HDAC6: variants seen among roughly 807,000 people sequenced by gnomAD.
HDAC6 encodes the protein protein deacetylase HDAC6.
A neutral mutation model predicts 88.9 loss-of-function variants in HDAC6; 5 were observed. The observed-to-expected ratio is 0.06, with a 90% CI of 0.03 to 0.12. The LOEUF (loss-of-function observed/expected upper bound fraction) is 0.12, where lower values mean the gene tolerates loss of function less well. Ranked by LOEUF, HDAC6 falls within the 10% of genes least tolerant of loss-of-function variation. The pLI is 1.00. For missense variants in HDAC6, 706 were observed against 1,014.4 expected, an observed-to-expected ratio of 0.70 and a Z score of 4.13; for synonymous variants, 378 against 398.0, an observed-to-expected ratio of 0.95 and a Z score of 0.60.
intron 6 of HDAC6, 63 bp from the exon 7 acceptor site, chrX:48,806,305 T>C (rs1353497636): frequency 1.4e-6 from 1 of 702,515 alleles, no homozygotes; most frequent in African/African-American, 2.1e-5. Flanking sequence ...AGGGGGTTGG[T>C]GTATGGACAG....
At chrX:48,822,535 A>G in intron 23 of HDAC6, 85 bp from the exon 24 acceptor site, 3 of 757,805 alleles carry the variant, frequency 4.0e-6, no homozygotes, top group Non-Finnish European at 5.7e-6. Context: ...CTCAGTAGGG[A>G]GGATTGGGGA....
At chrX:48,807,514 T>G (rs1266369161) in intron 8 of HDAC6, among the ~76,000 whole-genome samples, 1 of 112,327 alleles carries the variant, frequency 8.9e-6, no homozygotes, top group Non-Finnish European at 1.9e-5. Flanking sequence ...TTTTTATTTT[T>G]ATTTATTTAT....
chrX:48,801,760 C>T, upstream of HDAC6: 2 of 777,320 alleles, frequency 2.6e-6, no homozygotes, highest in Non-Finnish European at 3.4e-6. Flanking sequence ...AGGTGTGGCT[C>T]GCGCGAGGGG....
intron 9 of HDAC6, 29 bp from the exon 10 acceptor site, chrX:48,808,227 GCA>G (rs1557025020): frequency 1.7e-6 from 2 of 1,185,665 alleles, no homozygotes; most frequent in Middle Eastern, 2.3e-4. Context: ...TGATCTCCTT[GCA>G]CAGAGTCCCC....
chrX:48,817,452 G>T lies in HDAC6; in HGVS notation c.1918G>T (p.Ala640Ser), dbSNP rs782718298. Residue 640 changes from alanine to serine, a missense_variant, in exon 20 of 29, where the codon GCC (alanine) becomes TCC (serine). Coordinates refer to ENST00000334136, the MANE Select transcript of HDAC6 (RefSeq NM_006044.4). ...CCATGCCCAGACTATCAGTGGGCATGCCCTACGGTAAGGACTCCCTGGGGA... is the reference window on the plus strand; with the variant it reads ...CCATGCCCAGACTATCAGTGGGCATTCCCTACGGTAAGGACTCCCTGGGGA... ...ARHAQTISGH[A>S]LRILIVDWDV... 278 of 1,206,176 alleles carry T rather than the reference G, an allele frequency of 2.3e-4. 2 individuals are homozygous for T. Among genetic ancestry groups the T allele is most frequent in the Non-Finnish European group, 1.8e-5 (16 of 893,930 alleles).
chrX:48,803,480 C>G (rs1400970784), intron 4 of HDAC6: 1 of 350,062 alleles, frequency 2.9e-6, no homozygotes, highest in Non-Finnish European at 5.0e-6. Flanking sequence ...AGTAGGAGGG[C>G]AGATCATTAA....
chrX:48,824,157 C>T lies in HDAC6; in HGVS notation c.3451-9C>T, dbSNP rs1557031529. 8.3e-7 allele frequency: 1 copy of T among 1,208,655 alleles called. No individual in the cohort carries two copies. The highest frequency in any genetic ancestry group is 2.3e-4 in the Middle Eastern group (1 of 4,336). The stretch of plus-strand genomic sequence containing the variant: ...GACCCCCACCTGACACTCACACCCC[C>T]AACCTCAGGTCTACTGTGGTCGTTA... On this transcript the variant is annotated splice_polypyrimidine_tract_variant and intron_variant, in intron 27 of 28. Transcript: ENST00000334136.
rs369889565 is a variant in HDAC6, at chrX:48,806,452, T to C, written c.522T>C (p.Val174=). 3 of 1,181,117 alleles carry C rather than the reference T, an allele frequency of 2.5e-6. No homozygotes were observed. Among genetic ancestry groups the C allele is most frequent in the Non-Finnish European group, 3.5e-6 (3 of 867,200 alleles). ...LRVLADTYDS[V]YLHPNSYSCA... is the part of the protein sequence containing the mutation. ...TCCTAGCAGACACCTACGACTCAGT[T>C]TATCTGCATCCGGTATGGATGAGAA... Residue 174 remains valine (V), a synonymous_variant, in exon 7 of 29, where the codon GTT becomes GTC. Transcript: ENST00000334136.
At chrX:48,807,947 C>A in intron 8 of HDAC6, 86 bp from the exon 9 acceptor site, 2 of 634,271 alleles carry the variant, frequency 3.2e-6, no homozygotes, top group Non-Finnish European at 5.0e-6. Context: ...AATTGGTGGT[C>A]CAGGATTAGA....
Position 48,820,087 on chromosome X carries a change from T to G in HDAC6, c.2188-19T>G, listed in dbSNP as rs1267517266. ...GCCCCTACCCTCATGCTTATACATC[T>G]CTTCTCTCCCTGCCTCAGTTTAACC... On this transcript the variant is annotated intron_variant, in intron 22 of 28. Coordinates refer to ENST00000334136, the MANE Select transcript of HDAC6 (RefSeq NM_006044.4). The G allele has an allele frequency of 1.7e-6, 2 of 1,207,109 alleles. No homozygotes were observed. Among genetic ancestry groups the G allele is most frequent in the Non-Finnish European group, 2.2e-6 (2 of 893,694 alleles).
chrX:48,807,014 T>G, intron 8 of HDAC6: 2 of 161,801 alleles, frequency 1.2e-5, no homozygotes, highest in Non-Finnish European at 2.4e-5. Context: ...CAGATGCATC[T>G]TACAAACAGT....
chrX:48,804,617 C>T (rs2062783488), intron 4 of HDAC6, among the ~76,000 whole-genome samples: 1 of 112,343 alleles, frequency 8.9e-6, no homozygotes, highest in African/African-American at 3.2e-5. Flanking sequence ...TTATGGAATA[C>T]CTATTTACCA....
chrX:48,810,310 C>T (rs1557025584), intron 10 of HDAC6, among the ~76,000 whole-genome samples: 2 of 110,327 alleles, frequency 1.8e-5, no homozygotes, highest in Non-Finnish European at 3.8e-5. Flanking sequence ...CTCCTGACCT[C>T]AAGTGTCCTC....
Position 48,816,025 on chromosome X carries a change from T to C in HDAC6, c.1466T>C (p.Met489Thr). Residue 489 changes from methionine to threonine, a missense_variant, in exon 17 of 29, where the codon ATG becomes ACG. By Grantham distance (81) the Met-to-Thr change is moderately conservative (BLOSUM62 -1). This residue lies in a region of HDAC6 where 106 missense variants were observed against 135.1 expected (regional missense o/e 0.78). Transcript: ENST00000334136. ...SRTGLVYDQN[M>T]MNHCNLWDSH... ...ACAGGGCTGGTCTATGACCAAAATA[T>C]GATGAATCACTGCAACTTGTGGGAC... The C allele has an allele frequency of 8.3e-7, 1 of 1,211,608 alleles. No individual in the cohort carries two copies. Among genetic ancestry groups the C allele is most frequent in the Non-Finnish European group, 1.1e-6 (1 of 895,376 alleles).
chrX:48,803,074 C>G, intron 3 of HDAC6, 54 bp from the exon 4 acceptor site: 1 of 1,200,205 alleles, frequency 8.3e-7, no homozygotes, highest in Non-Finnish European at 1.1e-6. Flanking sequence ...GGACAGTTCC[C>G]TCTGACTCAG....
intron 23 of HDAC6, among the ~76,000 whole-genome samples, chrX:48,821,534 G>A (rs1222135269): frequency 3.4e-5 from 3 of 88,211 alleles, no homozygotes; most frequent in East Asian, 3.4e-4. Context: ...ACAGAGTCTC[G>A]CCGTGTCACC....
intron 4 of HDAC6, 137 bp downstream of exon 4, chrX:48,803,353 A>C: frequency 2.0e-6 from 1 of 492,426 alleles, no homozygotes; most frequent in Non-Finnish European, 3.5e-6. Context: ...CTCACACTTG[A>C]AAGGGTTCTT....
intron 8 of HDAC6, 45 bp from the exon 9 acceptor site, chrX:48,807,988 G>C: frequency 1.1e-6 from 1 of 888,922 alleles, no homozygotes; most frequent in Non-Finnish European, 1.6e-6. Flanking sequence ...CTGCAGAGGA[G>C]GACCCCTCAC....
chrX:48,805,426 C>G lies in HDAC6; in HGVS notation c.312-12C>G. The G allele has an allele frequency of 8.4e-7, 1 of 1,191,455 alleles. No homozygotes were observed. Among genetic ancestry groups the G allele is most frequent in the Non-Finnish European group, 1.1e-6 (1 of 878,998 alleles). ...TCCTCATGCATCTGTGACTGTGACT[C>G]CATCTCCCCAGCTTCCCGGAAGGCC... On this transcript the variant is annotated splice_polypyrimidine_tract_variant and intron_variant, in intron 4 of 28. Coordinates refer to ENST00000334136, the MANE Select transcript of HDAC6 (RefSeq NM_006044.4).
Sources: allele counts gnomAD v4.1 joint callset (sites outside exome capture counted in the v4.1 genomes callset), GRCh38; gene constraint gnomAD v4.1.1; regional missense constraint gnomAD v4.1.1; transcripts MANE v1.5; gene names NCBI Gene and HGNC (gene_info 2026-07-23, HGNC 2026-07-21).